SLC6A13: variants seen among roughly 807,000 people sequenced by gnomAD.
SLC6A13 encodes sodium- and chloride-dependent GABA transporter 2.
SLC6A13 carries 69 observed loss-of-function variants against 72.9 expected under a neutral mutation model. That is an observed-to-expected ratio of 0.95 (90% confidence interval 0.78 to 1.16). SLC6A13 has a LOEUF of 1.16. Ranked by LOEUF, SLC6A13 falls within the 50% of genes most tolerant of loss-of-function variation. SLC6A13 has a pLI of 0.00. For missense variants in SLC6A13, 735 were observed against 760.5 expected (o/e 0.97, Z 0.39); for synonymous variants, 303 against 303.0 (o/e 1.00, Z 0.00).
At chr12:243,918 G>A (rs943722967) in intron 2 of SLC6A13, 105 bp from the exon 3 acceptor site, 11 of 1,147,980 alleles carry the variant, frequency 9.6e-6, no homozygotes, top group Non-Finnish European at 9.9e-6. Context: ...AATCTCGGAG[G>A]CAGAGAACAT....
intron 2 of SLC6A13, among the ~76,000 whole-genome samples, chr12:249,374 T>C (rs1942462385): frequency 6.6e-6 from 1 of 152,122 alleles, no homozygotes; most frequent in Non-Finnish European, 1.5e-5. Context: ...CAAAAGCTGG[T>C]TCTTTGAGAT....
Position 260,060 on chromosome 12 carries a change from G to A in SLC6A13, c.-5-3C>T, listed in dbSNP as rs1449312921. 2 of 1,610,772 alleles carry A rather than the reference G, an allele frequency of 1.2e-6. No homozygotes were observed. Among genetic ancestry groups the A allele is most frequent in the Non-Finnish European group, 1.7e-6 (2 of 1,177,346 alleles). ...TGAGACCCTGCTATCCATCCCACCT[G>A]GAAAACAAGTGGGATGCTCTGTTAC... On this transcript the variant is annotated splice_polypyrimidine_tract_variant and splice_region_variant and intron_variant, in intron 1 of 14. Coordinates refer to ENST00000343164, the MANE Select transcript of SLC6A13 (RefSeq NM_016615.5).
chr12:243,913 C>T (rs1942257918), intron 2 of SLC6A13, 100 bp from the exon 3 acceptor site: 3 of 1,217,906 alleles, frequency 2.5e-6, no homozygotes, highest in South Asian at 1.5e-5. Flanking sequence ...GTCAGAATCT[C>T]GGAGGCAGAG....
chr12:253,938 C>T lies in SLC6A13; in HGVS notation c.202+5913G>A, dbSNP rs117896309. Among the ~76,000 whole-genome samples, 395 of 152,298 alleles carry T rather than the reference C, an allele frequency of 2.6e-3. 8 individuals carry two copies. The East Asian group carries it at 0.059, about 23-fold the overall frequency. ...GAAATTAAGTGAAAATGTTGGCAGACGGTTTTTTCATCTGGGCTGAGATAG... is the reference window on the plus strand; with the variant it reads ...GAAATTAAGTGAAAATGTTGGCAGATGGTTTTTTCATCTGGGCTGAGATAG... On this transcript the variant is annotated intron_variant, in intron 2 of 14. Transcript: ENST00000343164.
chr12:240,125 G>A (rs1334575405), intron 4 of SLC6A13, among the ~76,000 whole-genome samples: 1 of 152,094 alleles, frequency 6.6e-6, no homozygotes, highest in Non-Finnish European at 1.5e-5. Flanking sequence ...TGGTTGTCAA[G>A]GGTGGTCTCA....
intron 10 of SLC6A13, 55 bp from the exon 11 acceptor site, chr12:224,184 C>T: frequency 1.2e-6 from 2 of 1,605,712 alleles, no homozygotes; most frequent in Non-Finnish European, 1.7e-6. Flanking sequence ...GATGCCCTGT[C>T]CATGAGCGCT....
chr12:262,564 G>GCTCT (rs201520083), intron 1 of SLC6A13: 2 of 279,404 alleles, frequency 7.2e-6, no homozygotes, highest in African/African-American at 4.6e-5. Context: ...TCAATCTAGG[G>GCTCT]CTCTCTCTTT....
At chr12:221,227 T>C in intron 14 of SLC6A13, 149 bp downstream of exon 14, 3 of 1,274,616 alleles carry the variant, frequency 2.4e-6, no homozygotes, top group Non-Finnish European at 2.1e-6. Flanking sequence ...CCGAGACTTC[T>C]CAGCAGCCAC....
intron 7 of SLC6A13, among the ~76,000 whole-genome samples, chr12:231,196 C>T (rs181099742): frequency 1.2e-4 from 18 of 152,342 alleles, no homozygotes; most frequent in African/African-American, 4.3e-4. Flanking sequence ...TGGCCAGTCC[C>T]CAGGGGGAGG....
At chr12:241,282 G>A (rs974227751) in intron 4 of SLC6A13, among the ~76,000 whole-genome samples, 12 of 152,032 alleles carry the variant, frequency 7.9e-5, no homozygotes, top group African/African-American at 2.4e-4. Context: ...CAGCCTGGGC[G>A]ACCGAGCGAG....
At chr12:230,268 G>C (rs774393255) in intron 7 of SLC6A13, among the ~76,000 whole-genome samples, 38 of 152,322 alleles carry the variant, frequency 2.5e-4, no homozygotes, top group Admixed American at 9.1e-4. Flanking sequence ...AGAGGTCTTG[G>C]GGGGAAGGAG....
In SLC6A13 at chr12:221,507, T is replaced by C; in HGVS notation, c.1555A>G (p.Thr519Ala). Reference sequence around the variant, plus strand: ...GGGTACGTGTACTTCTTGTTGTAGGTCAGCGGAGTGTACTTTATCAGGGAG... The same window carrying C: ...GGGTACGTGTACTTCTTGTTGTAGGCCAGCGGAGTGTACTTTATCAGGGAG... ...LFSLIKYTPL[T>A]YNKKYTYPWW... The change falls in exon 14 of 15, where the codon ACC (threonine) becomes GCC (alanine). Residue 519 changes from threonine (T) to alanine (A), a missense_variant. Coordinates refer to ENST00000343164, the MANE Select transcript of SLC6A13 (RefSeq NM_016615.5). 1 of 1,612,034 alleles carries C rather than the reference T, an allele frequency of 6.2e-7. No individual in the cohort carries two copies. The highest frequency in any genetic ancestry group is 8.5e-7 in the Non-Finnish European group (1 of 1,179,076).
At chr12:250,811 A>G (rs1278707478) in intron 2 of SLC6A13, among the ~76,000 whole-genome samples, 1 of 142,342 alleles carries the variant, frequency 7.0e-6, no homozygotes, top group Non-Finnish European at 1.5e-5. Flanking sequence ...TCTGGAAATG[A>G]TAAGGACCCA....
chr12:224,158 G>A (rs1591820689), intron 10 of SLC6A13, 29 bp from the exon 11 acceptor site: 1 of 1,613,120 alleles, frequency 6.2e-7, no homozygotes, highest in Non-Finnish European at 8.5e-7. Context: ...GGATTGGAGG[G>A]AAGGAGAGCT....
intron 12 of SLC6A13, 36 bp from the exon 13 acceptor site, chr12:222,668 G>C: frequency 4.3e-6 from 6 of 1,397,042 alleles, no homozygotes; most frequent in Non-Finnish European, 4.0e-6. Flanking sequence ...GGAGGAGAAA[G>C]TCATTCTTTG....
Position 262,769 on chromosome 12 carries a change from G to A in SLC6A13, c.-6+20C>T, listed in dbSNP as rs533467329. On this transcript the variant is annotated intron_variant, in intron 1 of 14. Transcript: ENST00000343164. ...CTGAGACGCAGAAATAGAAAAAAAA[G>A]AGAAGAAAACATTTCGAACCTTAGT... The A allele has an allele frequency of 1.5e-4, 138 of 902,062 alleles. No individual in the cohort carries two copies. Among genetic ancestry groups the A allele is most frequent in the Admixed American group, 4.3e-4 (7 of 16,206 alleles). The allele number at this position is 902,062 out of a possible 1,614,324, so 55.9% of individuals were successfully genotyped here.
chr12:261,593 G>A (rs984710048), intron 1 of SLC6A13, among the ~76,000 whole-genome samples: 7 of 152,132 alleles, frequency 4.6e-5, no homozygotes, highest in African/African-American at 1.7e-4. Flanking sequence ...ACCTCTTCTG[G>A]CCACAGACTC....
At chr12:227,765 T>C (rs1941526433) in intron 7 of SLC6A13, 97 bp from the exon 8 acceptor site, 4 of 1,045,646 alleles carry the variant, frequency 3.8e-6, no homozygotes, top group Non-Finnish European at 5.6e-6. Context: ...AGACACTGGC[T>C]AGGGATGGCG....
chr12:232,141 T>C (rs1268406337), intron 7 of SLC6A13, among the ~76,000 whole-genome samples: 1 of 152,216 alleles, frequency 6.6e-6, no homozygotes, highest in Non-Finnish European at 1.5e-5. Flanking sequence ...GCCCTAGTTG[T>C]TAGCTACAAA....
Sources: allele counts gnomAD v4.1 joint callset (sites outside exome capture counted in the v4.1 genomes callset), GRCh38; gene constraint gnomAD v4.1.1; transcripts MANE v1.5; gene names NCBI Gene and HGNC (gene_info 2026-07-23, HGNC 2026-07-21).